Variants in CNTNAP4 observed in about 807,000 individuals in gnomAD.
The protein encoded by CNTNAP4 is contactin-associated protein-like 4.
A neutral mutation model predicts 148.4 loss-of-function variants in CNTNAP4; 98 were observed. That is an observed-to-expected ratio of 0.66 (90% CI 0.56 to 0.78). The LOEUF is 0.78. Among genes scored for constraint, CNTNAP4 ranks in the 30% least tolerant of loss-of-function variants. The pLI, the probability that CNTNAP4 is intolerant of heterozygous loss-of-function variation, is 0.00. For synonymous variants in CNTNAP4, 730 were observed against 565.1 expected (o/e 1.29, Z -4.14); for missense variants, 1,935 against 1,565.6 (o/e 1.24, Z -3.98).
chr16:76,477,023 G>A (rs541460353), intron 11 of CNTNAP4, among the ~76,000 whole-genome samples: 3 of 151,934 alleles, frequency 2.0e-5, no homozygotes, highest in South Asian at 2.1e-4. Flanking sequence ...GTCCTAACTC[G>A]TTTAATTCTG....
chr16:76,296,384 T>A (rs1171652873), intron 1 of CNTNAP4, among the ~76,000 whole-genome samples: 2 of 152,216 alleles, frequency 1.3e-5, no homozygotes, highest in African/African-American at 4.8e-5. Flanking sequence ...GAAGACTGAA[T>A]TCCTATAGCT....
intron 13 of CNTNAP4, among the ~76,000 whole-genome samples, chr16:76,493,017 G>T (rs541847966): frequency 6.6e-6 from 1 of 151,188 alleles, no homozygotes; most frequent in South Asian, 2.1e-4. Flanking sequence ...GTCAACTCCA[G>T]AAAGGCATGG....
At chr16:76,478,326 T>C (rs1034405048) in intron 11 of CNTNAP4, among the ~76,000 whole-genome samples, 1 of 152,202 alleles carries the variant, frequency 6.6e-6, no homozygotes, top group Non-Finnish European at 1.5e-5. Context: ...TTACGTACTC[T>C]CTTCAGTGCA....
At chr16:76,355,552 G>C in intron 3 of CNTNAP4, 41 bp downstream of exon 3, 2 of 1,475,574 alleles carry the variant, frequency 1.4e-6, no homozygotes, top group Middle Eastern at 1.8e-4. Flanking sequence ...CGGGGAAAAA[G>C]TATAATCAGT....
At chr16:76,495,395 C>A (rs1472905745) in intron 14 of CNTNAP4, among the ~76,000 whole-genome samples, 1 of 151,844 alleles carries the variant, frequency 6.6e-6, no homozygotes, top group South Asian at 2.1e-4. Flanking sequence ...TGTTTACAGC[C>A]AAAGCACATT....
rs543242851 is a variant in CNTNAP4 at position 76,428,799 on chromosome 16, C to T, written c.538+1200C>T. Among the ~76,000 whole-genome samples, 4 of 152,220 alleles carry T rather than the reference C, an allele frequency of 2.6e-5. No homozygotes were observed. The South Asian group carries it at 8.3e-4, about 32-fold the overall frequency. The stretch of plus-strand genomic sequence containing the variant: ...ATATTAATAGCATTCCTTTCTATAA[C>T]TGTAGAAATAGCACCGTTTCCTTAG... On this transcript the variant is annotated intron_variant, in intron 4 of 23. Transcript: ENST00000611870.
Position 76,460,753 on chromosome 16 carries a change from C to CAAAAAAAAAAA in CNTNAP4, c.1334-1192_1334-1182dup, listed in dbSNP as rs1158805627. Among the ~76,000 whole-genome samples, 21 of 15,516 alleles carry CAAAAAAAAAAA rather than the reference C, an allele frequency of 1.4e-3. 5 individuals carry two copies. The highest frequency in any genetic ancestry group is 2.1e-3 in the African/African-American group (10 of 4,796). 10.2% of individuals were successfully genotyped at this position (15,516 alleles called of 152,430 possible). A position where few individuals can be genotyped will look rare whatever the true frequency, so the allele number is the denominator to read the frequency against. Reference sequence around the variant, plus strand: ...GGGCGACAGAGCCAGACTCATGTCTCAAAAAAAAAAAAAAAAAAAAATATA... The same window carrying CAAAAAAAAAAA: ...GGGCGACAGAGCCAGACTCATGTCTCAAAAAAAAAAAAAAAAAAAAAAAAAAAAAAAATATA... On this transcript the variant is annotated intron_variant, in intron 8 of 23. Transcript: ENST00000611870.
At chr16:76,407,121 C>T (rs1347464620) in intron 3 of CNTNAP4, among the ~76,000 whole-genome samples, 7 of 152,068 alleles carry the variant, frequency 4.6e-5, no homozygotes, top group Non-Finnish European at 8.8e-5. Flanking sequence ...GCTCATTTAC[C>T]ATTCTGAAAA....
chr16:76,477,679 T>A (rs12920603), intron 11 of CNTNAP4, among the ~76,000 whole-genome samples: 64,862 of 151,940 alleles, frequency 0.43, 13,848 homozygotes, highest in Admixed American at 0.44. Flanking sequence ...AAGCCACACC[T>A]CACCTGTACT....
chr16:76,333,211 T>C (rs754926267), intron 2 of CNTNAP4, among the ~76,000 whole-genome samples: 1 of 152,214 alleles, frequency 6.6e-6, no homozygotes, highest in Non-Finnish European at 1.5e-5. Flanking sequence ...ACACATGATG[T>C]AGGCCCCATG....
At chr16:76,296,933 C>T (rs1210292220) in intron 1 of CNTNAP4, among the ~76,000 whole-genome samples, 7 of 152,120 alleles carry the variant, frequency 4.6e-5, no homozygotes, top group African/African-American at 1.7e-4. Context: ...TTGAGGCTTC[C>T]AGTTGCTCTC....
At chr16:76,497,719 G>C (rs1030145565) in intron 14 of CNTNAP4, among the ~76,000 whole-genome samples, 3 of 152,102 alleles carry the variant, frequency 2.0e-5, no homozygotes, top group African/African-American at 7.2e-5. Context: ...GGGAGGGATA[G>C]CATTAGGAAA....
chr16:76,461,860 T>G (rs1041022135), intron 8 of CNTNAP4, 96 bp from the exon 9 acceptor site: 19 of 982,558 alleles, frequency 1.9e-5, no homozygotes, highest in Non-Finnish European at 3.0e-5. Flanking sequence ...AGTTAAGTAC[T>G]GTAGCCAATT....
chr16:76,452,779 G>C lies in CNTNAP4; in HGVS notation c.1333+10G>C, dbSNP rs372308727. ...AGTGACATCACAGCAGGTAATAAAT[G>C]TATTCCCTGGGGCAAAGCATATGGA... On this transcript the variant is annotated intron_variant, in intron 8 of 23. Transcript: ENST00000611870. 1 of 1,543,908 alleles carries C rather than the reference G, an allele frequency of 6.5e-7. No individual in the cohort carries two copies. The highest frequency in any genetic ancestry group is 1.4e-5 in the African/African-American group (1 of 72,348).
chr16:76,438,004 A>G (rs1438578485), intron 4 of CNTNAP4, among the ~76,000 whole-genome samples: 1 of 152,152 alleles, frequency 6.6e-6, no homozygotes, highest in Non-Finnish European at 1.5e-5. Flanking sequence ...TATTAATAAA[A>G]TGAAAGAAAC....
Position 76,455,114 on chromosome 16 carries a change from T to C in CNTNAP4, c.1333+2345T>C, listed in dbSNP as rs142590394. Among the ~76,000 whole-genome samples the C allele has an allele frequency of 1.1e-3, 169 of 152,320 alleles. 2 individuals are homozygous for C. The East Asian group carries it at 0.028, about 25-fold the overall frequency. ...CAACACATTATATTAGTATAAATCA[T>C]GAAACATATTAGCATCACTATAAAA... On this transcript the variant is annotated intron_variant, in intron 8 of 23. Transcript: ENST00000611870.
In CNTNAP4 at chr16:76,503,256, A is replaced by G. The variant is rs184332222; in HGVS notation, c.2365+4562A>G. 1.8e-3 allele frequency among the ~76,000 whole-genome samples: 281 copies of G among 152,280 alleles called. 1 individual carries two copies. Among genetic ancestry groups the G allele is most frequent in the African/African-American group, 6.5e-3 (272 of 41,564 alleles). On this transcript the variant is annotated intron_variant, in intron 15 of 23. Coordinates refer to ENST00000611870, the MANE Select transcript of CNTNAP4 (RefSeq NM_033401.5). ...TATTCAATCTATTACTCATGGTCCTAGCACATGTAATAAGTCAAGGAGAGG... is the reference window on the plus strand; with the variant it reads ...TATTCAATCTATTACTCATGGTCCTGGCACATGTAATAAGTCAAGGAGAGG...
intron 2 of CNTNAP4, among the ~76,000 whole-genome samples, chr16:76,352,024 T>C (rs2011855615): frequency 6.6e-6 from 1 of 152,170 alleles, no homozygotes. Context: ...AGGAAACTAA[T>C]CAGTGTTTTC....
At chr16:76,436,626 A>G (rs2079837713) in intron 4 of CNTNAP4, among the ~76,000 whole-genome samples, 1 of 152,124 alleles carries the variant, frequency 6.6e-6, no homozygotes, top group Non-Finnish European at 1.5e-5. Flanking sequence ...CTGAGGAGCA[A>G]CCAACCAGCT....
Sources: gnomAD v4.1 joint callset for allele counts (sites outside exome capture counted in the v4.1 genomes callset) on GRCh38, gnomAD v4.1.1 for gene constraint, MANE v1.5 for transcripts, NCBI Gene and HGNC (gene_info 2026-07-23, HGNC 2026-07-21) for gene names.